The following ANKS1B variants were observed in gnomAD, a reference collection of about 807,000 sequenced individuals.
ANKS1B encodes the protein ankyrin repeat and sterile alpha motif domain-containing protein 1B.
In ANKS1B, 36 loss-of-function variants were observed where a neutral mutation model predicts 148.3. The ratio of observed to expected loss-of-function variants is 0.24; its 90% confidence interval spans 0.19 to 0.32. The LOEUF (loss-of-function observed/expected upper bound fraction) is 0.32, where lower values mean the gene tolerates loss of function less well. ANKS1B is among the 10% of genes least tolerant of loss of function. The probability of loss-of-function intolerance (pLI) is 1.00; values close to 1 mark genes in which losing one functional copy is unlikely to be tolerated. For missense variants in ANKS1B, 1,157 were observed against 1,542.6 expected (o/e 0.75, Z 4.19); for synonymous variants, 542 against 560.8 (o/e 0.97, Z 0.47).
intron 6 of ANKS1B, 114 bp downstream of exon 6, chr12:99,779,757 A>T: frequency 1.4e-6 from 1 of 737,272 alleles, no homozygotes; most frequent in African/African-American, 1.8e-5. Flanking sequence ...AAAAAATAAA[A>T]CTAGTAAGTT....
At chr12:99,499,309 A>T (rs1307701034) in intron 10 of ANKS1B, among the ~76,000 whole-genome samples, 1 of 152,194 alleles carries the variant, frequency 6.6e-6, no homozygotes, top group African/African-American at 2.4e-5. Context: ...AGCCTGGGTC[A>T]ACTGAGCAAA....
intron 17 of ANKS1B, among the ~76,000 whole-genome samples, chr12:98,909,870 C>T (rs779271648): frequency 5.9e-5 from 9 of 152,252 alleles, no homozygotes; most frequent in Non-Finnish European, 8.8e-5. Flanking sequence ...TAATTGGCTA[C>T]AGCTCCCCTT....
intron 12 of ANKS1B, among the ~76,000 whole-genome samples, chr12:99,323,470 C>G (rs1467560681): frequency 6.6e-6 from 1 of 152,168 alleles, no homozygotes; most frequent in Non-Finnish European, 1.5e-5. Flanking sequence ...CATTTCTTCT[C>G]AACCCCAACA....
intron 17 of ANKS1B, among the ~76,000 whole-genome samples, chr12:98,853,234 G>T (rs1445959034): frequency 6.6e-6 from 1 of 152,210 alleles, no homozygotes; most frequent in Admixed American, 6.5e-5. Context: ...TCCAAAGGCA[G>T]AGTTTACAAC....
chr12:98,824,745 C>T (rs1244154774), intron 19 of ANKS1B, among the ~76,000 whole-genome samples: 5 of 152,184 alleles, frequency 3.3e-5, no homozygotes, highest in Non-Finnish European at 7.3e-5. Context: ...GTTAACCCCA[C>T]ACCTACCTAC....
intron 9 of ANKS1B, among the ~76,000 whole-genome samples, chr12:99,539,273 A>G (rs1290073630): frequency 1.3e-5 from 2 of 152,182 alleles, no homozygotes; most frequent in Admixed American, 1.3e-4. Context: ...TAAAAAATCA[A>G]CTGCATAAAG....
chr12:99,603,286 C>A (rs2097821440), intron 9 of ANKS1B, among the ~76,000 whole-genome samples: 1 of 152,066 alleles, frequency 6.6e-6, no homozygotes, highest in Non-Finnish European at 1.5e-5. Flanking sequence ...GAATCCAAGC[C>A]AAGGACTCAC....
At chr12:99,154,556 G>A (rs1174714133) in intron 14 of ANKS1B, 161 bp from the exon 15 acceptor site, 10 of 1,551,256 alleles carry the variant, frequency 6.4e-6, no homozygotes, top group African/African-American at 1.4e-5. Flanking sequence ...CTCAGCGAGA[G>A]AGCAAAGTCA....
intron 12 of ANKS1B, among the ~76,000 whole-genome samples, chr12:99,305,125 G>C (rs554016986): frequency 2.0e-5 from 3 of 151,710 alleles, no homozygotes; most frequent in Non-Finnish European, 4.4e-5. Flanking sequence ...GATGGGGGAG[G>C]TCCTAAATTC....
At chr12:99,617,916 T>A (rs979146147) in intron 9 of ANKS1B, among the ~76,000 whole-genome samples, 8 of 152,088 alleles carry the variant, frequency 5.3e-5, no homozygotes, top group African/African-American at 1.7e-4. Context: ...TTAAATCACA[T>A]CAATATTTGT....
chr12:99,821,041 C>T (rs2082437368), intron 2 of ANKS1B, among the ~76,000 whole-genome samples: 1 of 152,004 alleles, frequency 6.6e-6, no homozygotes, highest in Non-Finnish European at 1.5e-5. Context: ...AAGAAACATA[C>T]ACTCTATATG....
chr12:99,671,347 T>A (rs1483353935), intron 8 of ANKS1B, among the ~76,000 whole-genome samples: 6 of 152,040 alleles, frequency 3.9e-5, no homozygotes, highest in Non-Finnish European at 7.4e-5. Flanking sequence ...TATGCATGTG[T>A]GTGTGTATAT....
At chr12:99,107,113 A>G (rs1289747616) in intron 15 of ANKS1B, among the ~76,000 whole-genome samples, 1 of 151,864 alleles carries the variant, frequency 6.6e-6, no homozygotes, top group Non-Finnish European at 1.5e-5. Flanking sequence ...GTGAAAATAT[A>G]TAAATTAATA....
intron 16 of ANKS1B, among the ~76,000 whole-genome samples, chr12:99,054,364 A>T (rs921444164): frequency 6.6e-6 from 1 of 152,198 alleles, no homozygotes; most frequent in Non-Finnish European, 1.5e-5. Flanking sequence ...AGAAAAGATT[A>T]GTCTGGGAAT....
chr12:99,503,320 C>T (rs2096673727), intron 10 of ANKS1B, among the ~76,000 whole-genome samples: 1 of 152,152 alleles, frequency 6.6e-6, no homozygotes, highest in African/African-American at 2.4e-5. Context: ...GGCCAATAAC[C>T]TTTTATCTTA....
intron 15 of ANKS1B, among the ~76,000 whole-genome samples, chr12:99,135,337 G>A (rs1052270420): frequency 1.3e-5 from 2 of 152,088 alleles, no homozygotes. Context: ...CAATTGAAAC[G>A]AAGAGATAGA....
At chr12:98,762,538 A>G (rs143624575) in intron 25 of ANKS1B, among the ~76,000 whole-genome samples, 2 of 152,330 alleles carry the variant, frequency 1.3e-5, no homozygotes, top group African/African-American at 4.8e-5. Flanking sequence ...ATGCTATTCC[A>G]AATGGCCAAG....
At chr12:99,077,920 C>T (rs950047506) in intron 16 of ANKS1B, among the ~76,000 whole-genome samples, 13 of 152,170 alleles carry the variant, frequency 8.5e-5, no homozygotes, top group Non-Finnish European at 1.5e-4. Flanking sequence ...TTCTCTTCAT[C>T]TATGACATAG....
intron 8 of ANKS1B, among the ~76,000 whole-genome samples, chr12:99,698,519 T>C (rs1256624893): frequency 2.0e-5 from 3 of 152,070 alleles, no homozygotes; most frequent in Admixed American, 1.3e-4. Flanking sequence ...CAAATATGGA[T>C]TGAGGAACAG....
Sources: gnomAD v4.1 joint callset for allele counts (sites outside exome capture counted in the v4.1 genomes callset) on GRCh38, gnomAD v4.1.1 for gene constraint, MANE v1.5 for transcripts, NCBI Gene and HGNC (gene_info 2026-07-23, HGNC 2026-07-21) for gene names.